The following RBFOX1 variants were observed in gnomAD, a reference collection of about 807,000 sequenced individuals.
The protein encoded by RBFOX1 is RNA binding fox-1 homolog 1, also known as RNA binding protein fox-1 homolog 1.
In RBFOX1, 8 loss-of-function variants were observed where a neutral mutation model predicts 57.7. The observed-to-expected ratio is 0.14, with a 90% CI of 0.08 to 0.25. The LOEUF (loss-of-function observed/expected upper bound fraction) is 0.25. Ranked by LOEUF, RBFOX1 falls within the 10% of genes least tolerant of loss-of-function variation. RBFOX1 has a pLI of 1.00. For missense variants in RBFOX1, 611 were observed against 548.5 expected, an observed-to-expected ratio of 1.11 and a Z score of -1.14; for synonymous variants, 326 against 222.4, an observed-to-expected ratio of 1.47 and a Z score of -4.15.
intron 1 of RBFOX1, among the ~76,000 whole-genome samples, chr16:5,375,981 A>G (rs1169604335): frequency 6.6e-6 from 1 of 152,094 alleles, no homozygotes; most frequent in African/African-American, 2.4e-5. Flanking sequence ...AGCCTGGCCA[A>G]CGTGGCAAAA....
At chr16:6,529,409 A>T (rs1211448678) in intron 2 of RBFOX1, among the ~76,000 whole-genome samples, 1 of 151,936 alleles carries the variant, frequency 6.6e-6, no homozygotes, top group African/African-American at 2.4e-5. Flanking sequence ...AAATACAAAA[A>T]TCAGTTGGGT....
At chr16:6,041,361 A>T (rs2095434359) in intron 1 of RBFOX1, among the ~76,000 whole-genome samples, 1 of 152,194 alleles carries the variant, frequency 6.6e-6, no homozygotes, top group Admixed American at 6.5e-5. Context: ...GGAGATATCA[A>T]AGAATTTTCA....
At chr16:7,315,032 C>G (rs777338931) in intron 4 of RBFOX1, among the ~76,000 whole-genome samples, 57 of 151,664 alleles carry the variant, frequency 3.8e-4, no homozygotes, top group Non-Finnish European at 6.9e-4. Flanking sequence ...AAATCATAAC[C>G]TCATATATTT....
At chr16:6,510,936 G>A (rs1230822355) in intron 2 of RBFOX1, among the ~76,000 whole-genome samples, 1 of 152,132 alleles carries the variant, frequency 6.6e-6, no homozygotes, top group Non-Finnish European at 1.5e-5. Context: ...TGAAAGACAA[G>A]GAGTGGATTT....
chr16:7,419,202 C>T (rs576673123), intron 4 of RBFOX1, among the ~76,000 whole-genome samples: 1 of 152,284 alleles, frequency 6.6e-6, no homozygotes, highest in Non-Finnish European at 1.5e-5. Context: ...GCACCACCAC[C>T]GTCCCCCACC....
chr16:7,527,350 C>T lies in RBFOX1; in HGVS notation c.270+8961C>T, dbSNP rs1225705361. ...GTTTTATTATTTTAAAGACCCTGGT[C>T]ATCAAAAACTGTCTAGTCCTGGAGA... is the stretch of plus-strand genomic sequence containing the variant. On this transcript the variant is annotated intron_variant, in intron 5 of 15. Coordinates refer to ENST00000550418, the MANE Select transcript of RBFOX1 (RefSeq NM_018723.4). Among the ~76,000 whole-genome samples, 9 of 152,168 alleles carry T rather than the reference C, an allele frequency of 5.9e-5. No individual in the cohort carries two copies. In the East Asian group the frequency reaches 1.7e-3, roughly 29 times the overall value.
At chr16:6,579,442 G>C (rs1481000582) in intron 2 of RBFOX1, among the ~76,000 whole-genome samples, 1 of 152,156 alleles carries the variant, frequency 6.6e-6, no homozygotes, top group Admixed American at 6.5e-5. Context: ...TGTGTCATGG[G>C]AGGGACCTGG....
At chr16:7,566,600 G>T (rs991903416) in intron 5 of RBFOX1, among the ~76,000 whole-genome samples, 2 of 152,116 alleles carry the variant, frequency 1.3e-5, no homozygotes, top group Non-Finnish European at 1.5e-5. Flanking sequence ...GGTAAAATAA[G>T]GCATGGAAAA....
At chr16:7,264,918 C>T (rs547882983) in intron 4 of RBFOX1, among the ~76,000 whole-genome samples, 3 of 152,198 alleles carry the variant, frequency 2.0e-5, no homozygotes, top group Admixed American at 6.5e-5. Context: ...ACAGAAAGAT[C>T]CATCAGGCCA....
intron 2 of RBFOX1, among the ~76,000 whole-genome samples, chr16:5,547,679 T>C (rs1382577667): frequency 1.3e-5 from 2 of 152,154 alleles, no homozygotes; most frequent in Non-Finnish European, 2.9e-5. Flanking sequence ...GTGAAGAATA[T>C]GTGCTGCATG....
intron 4 of RBFOX1, among the ~76,000 whole-genome samples, chr16:7,217,539 C>T (rs928347010): frequency 5.9e-5 from 9 of 151,890 alleles, no homozygotes; most frequent in South Asian, 2.1e-4. Flanking sequence ...TCCAACCCCT[C>T]GTCCATCACT....
In RBFOX1 at chr16:6,100,452, G is replaced by A. The variant is rs113443966; in HGVS notation, c.-127+80460G>A. 8.1e-3 allele frequency among the ~76,000 whole-genome samples: 1,232 copies of A among 152,294 alleles called. 17 individuals carry two copies. The highest frequency in any genetic ancestry group is 0.028 in the African/African-American group (1,167 of 41,566). On this transcript the variant is annotated intron_variant, in intron 1 of 15. Transcript: ENST00000550418. ...GCTGGGATTACAGGCATGAGCCACC[G>A]CGCCCGGCCGGCTTATTGCTTTATT...
intron 3 of RBFOX1, among the ~76,000 whole-genome samples, chr16:6,911,429 A>G (rs929747877): frequency 6.6e-6 from 1 of 152,124 alleles, no homozygotes; most frequent in African/African-American, 2.4e-5. Flanking sequence ...GTTGCTGGCA[A>G]CGCATGGTGC....
chr16:6,433,204 G>A (rs918845242), intron 2 of RBFOX1, among the ~76,000 whole-genome samples: 16 of 152,170 alleles, frequency 1.1e-4, no homozygotes, highest in African/African-American at 3.6e-4. Context: ...TGTTGTGTAG[G>A]TATAGCTGAT....
intron 3 of RBFOX1, among the ~76,000 whole-genome samples, chr16:5,743,758 G>C (rs1446181862): frequency 6.6e-6 from 1 of 152,076 alleles, no homozygotes; most frequent in African/African-American, 2.4e-5. Flanking sequence ...GCCCTGGCTT[G>C]TCTGAAACTC....
chr16:6,763,334 T>G (rs1346400325), intron 3 of RBFOX1, among the ~76,000 whole-genome samples: 2 of 8,560 alleles, frequency 2.3e-4, no homozygotes, highest in Non-Finnish European at 0.018. Context: ...GGCTAGACAC[T>G]TGTAAGCCCA....
At chr16:5,904,321 G>A (rs1453832302) in intron 4 of RBFOX1, among the ~76,000 whole-genome samples, 1 of 152,034 alleles carries the variant, frequency 6.6e-6, no homozygotes, top group Non-Finnish European at 1.5e-5. Flanking sequence ...AGAATACAAA[G>A]CTTCCCCTCG....
intron 4 of RBFOX1, among the ~76,000 whole-genome samples, chr16:5,989,059 G>C (rs750093723): frequency 6.6e-6 from 1 of 151,718 alleles, no homozygotes; most frequent in South Asian, 2.1e-4. Context: ...GGTGGCTCAC[G>C]CCTGTAATCC....
intron 2 of RBFOX1, among the ~76,000 whole-genome samples, chr16:6,481,175 G>C (rs918357430): frequency 5.9e-5 from 9 of 152,122 alleles, no homozygotes; most frequent in Admixed American, 3.3e-4. Flanking sequence ...TCTTGGTTTG[G>C]GAGGTTGCAT....
Sources: gnomAD v4.1 joint callset for allele counts (sites outside exome capture counted in the v4.1 genomes callset) on GRCh38, gnomAD v4.1.1 for gene constraint, MANE v1.5 for transcripts, NCBI Gene and HGNC (gene_info 2026-07-23, HGNC 2026-07-21) for gene names.